Variants in ARHGEF26 observed in about 807,000 individuals in gnomAD.
ARHGEF26 encodes Rho guanine nucleotide exchange factor (GEF) 26.
In ARHGEF26, 59 loss-of-function variants were observed where a neutral mutation model predicts 89.4. That is an observed-to-expected ratio of 0.66 (90% confidence interval 0.54 to 0.82). The LOEUF (loss-of-function observed/expected upper bound fraction) is 0.82. Among genes scored for constraint, ARHGEF26 ranks in the 40% least tolerant of loss-of-function variants. The pLI is 0.00. For missense variants in ARHGEF26, 1,234 were observed against 1,085.6 expected (o/e 1.14, Z -1.92); for synonymous variants, 500 against 428.4 (o/e 1.17, Z -2.06).
intron 10 of ARHGEF26, among the ~76,000 whole-genome samples, chr3:154,222,097 C>A (rs374943652): frequency 2.0e-5 from 3 of 152,086 alleles, no homozygotes; most frequent in African/African-American, 7.2e-5. Flanking sequence ...AGATTAAATT[C>A]TTTGCTCAAG....
At chr3:154,220,263 C>CT (rs1716044373) in intron 10 of ARHGEF26, among the ~76,000 whole-genome samples, 2 of 152,098 alleles carry the variant, frequency 1.3e-5, no homozygotes, top group Admixed American at 1.3e-4. Flanking sequence ...ATGTGGAAGG[C>CT]AGTAGATAAA....
At chr3:154,145,279 G>A (rs1302062002) in intron 4 of ARHGEF26, among the ~76,000 whole-genome samples, 3 of 152,208 alleles carry the variant, frequency 2.0e-5, no homozygotes, top group African/African-American at 7.2e-5. Context: ...ATTCAGGGAT[G>A]ACTCAGGTTA....
At chr3:154,124,371 C>CCTTTTTTTTTTTTTTTTT (rs1553781192) in intron 2 of ARHGEF26, 39 bp from the exon 3 acceptor site, 2 of 977,570 alleles carry the variant, frequency 2.0e-6, no homozygotes, top group Non-Finnish European at 2.8e-6. Context: ...GTTTGCTTTT[C>CCTTTTTTTTTTTTTTTTT]CTTTTTTTTT....
chr3:154,203,468 G>A (rs1014102399), intron 9 of ARHGEF26, among the ~76,000 whole-genome samples: 1 of 152,098 alleles, frequency 6.6e-6, no homozygotes, highest in Non-Finnish European at 1.5e-5. Flanking sequence ...AATTTGGATG[G>A]TGTTTATATC....
At chr3:154,187,614 A>G (rs1713661765) in intron 6 of ARHGEF26, 71 bp from the exon 7 acceptor site, 3 of 1,333,468 alleles carry the variant, frequency 2.2e-6, no homozygotes, top group South Asian at 1.6e-5. Context: ...ATAACATTAC[A>G]TGAGGCTAAT....
rs1177231945 is a variant in ARHGEF26 at position 154,143,921 on chromosome 3, G to A, written c.1270-5468G>A. Among the ~76,000 whole-genome samples the A allele has an allele frequency of 3.9e-5, 6 of 152,280 alleles. No homozygotes were observed. In the East Asian group the frequency reaches 5.8e-4, roughly 15 times the overall value. On this transcript the variant is annotated intron_variant, in intron 4 of 14. Coordinates refer to ENST00000465093, the MANE Select transcript of ARHGEF26 (RefSeq NM_015595.4). ...AACTGCATCTCTTGCTCATTTGGGG[G>A]ATAGAGAATACATAAATTTTAGTCC...
chr3:154,166,296 C>T (rs1277139041), intron 6 of ARHGEF26, among the ~76,000 whole-genome samples: 2 of 152,132 alleles, frequency 1.3e-5, no homozygotes, highest in Non-Finnish European at 2.9e-5. Flanking sequence ...ATGATCCGCC[C>T]GCCTTGGCCT....
chr3:154,173,374 A>G (rs1576735030), intron 6 of ARHGEF26, among the ~76,000 whole-genome samples: 1 of 152,236 alleles, frequency 6.6e-6, no homozygotes, highest in Admixed American at 6.5e-5. Flanking sequence ...CCAAGATTGC[A>G]TTAAAATTAT....
intron 6 of ARHGEF26, among the ~76,000 whole-genome samples, chr3:154,153,776 C>T (rs1727952): frequency 0.91 from 138,008 of 151,952 alleles, 62,887 homozygotes; most frequent in East Asian, 1. Flanking sequence ...TAAGAAAATA[C>T]ATGTATATAT....
chr3:154,219,453 G>A (rs1390055347), intron 10 of ARHGEF26, among the ~76,000 whole-genome samples: 1 of 151,886 alleles, frequency 6.6e-6, no homozygotes, highest in African/African-American at 2.4e-5. Flanking sequence ...AAATTAGCCG[G>A]GTGTAGTGGC....
intron 12 of ARHGEF26, among the ~76,000 whole-genome samples, chr3:154,243,107 CCTTT>C (rs1204845238): frequency 6.6e-6 from 1 of 152,114 alleles, no homozygotes; most frequent in Non-Finnish European, 1.5e-5. Flanking sequence ...AACTAGACTT[CCTTT>C]GTGTGGGGAA....
chr3:154,189,699 G>A (rs1713830346), intron 7 of ARHGEF26, among the ~76,000 whole-genome samples: 1 of 152,168 alleles, frequency 6.6e-6, no homozygotes, highest in Non-Finnish European at 1.5e-5. Flanking sequence ...TGTTAGAAAT[G>A]CCTTGGGGCC....
At position 154,186,165 on chromosome 3, in the gene ARHGEF26, A is replaced by ACACC. The variant is rs766757043; in HGVS notation, c.1488-1519_1488-1518insACCC. Among the ~76,000 whole-genome samples the ACACC allele has an allele frequency of 3.3e-4, 50 of 150,256 alleles. 1 individual carries two copies. Among genetic ancestry groups the ACACC allele is most frequent in the African/African-American group, 1.1e-3 (45 of 40,726 alleles). On this transcript the variant is annotated intron_variant, in intron 6 of 14. Coordinates refer to ENST00000465093, the MANE Select transcript of ARHGEF26 (RefSeq NM_015595.4). The stretch of plus-strand genomic sequence containing the variant: ...CACACACACACACACACACACACAC[A>ACACC]CCCCTATACACATACTATTGTACAG...
Position 154,256,690 on chromosome 3 carries a change from G to C in ARHGEF26, c.*1217G>C. ...TAGAAATTAGCTGGAACACACTACA[G>C]TAATCTCAAGGAAGGGAAAATTAGG... On this transcript the variant is annotated 3_prime_UTR_variant, in exon 15 of 15. Transcript: ENST00000465093. 1 of 1,291,356 alleles carries C rather than the reference G, an allele frequency of 7.7e-7. No homozygotes were observed. Among genetic ancestry groups the C allele is most frequent in the Non-Finnish European group, 9.8e-7 (1 of 1,022,790 alleles). The allele number at this position is 1,291,356 out of a possible 1,614,324, so 80.0% of individuals were successfully genotyped here. A position where few individuals can be genotyped will look rare whatever the true frequency, so the allele number is the denominator to read the frequency against.
At position 154,256,711 on chromosome 3, in the gene ARHGEF26, T is replaced by G. The variant is rs1176926290; in HGVS notation, c.*1238T>G. The G allele has an allele frequency of 3.7e-6, 5 of 1,333,970 alleles. No homozygotes were observed. Among genetic ancestry groups the G allele is most frequent in the Non-Finnish European group, 4.8e-6 (5 of 1,047,750 alleles). 82.6% of individuals were successfully genotyped at this position (1,333,970 alleles called of 1,614,324 possible). On this transcript the variant is annotated 3_prime_UTR_variant, in exon 15 of 15. Coordinates refer to ENST00000465093, the MANE Select transcript of ARHGEF26 (RefSeq NM_015595.4). ...TACAGTAATCTCAAGGAAGGGAAAA[T>G]TAGGCCTTAAAAGATACCAAGAAGT...
chr3:154,254,548 A>G (rs1718360780), intron 13 of ARHGEF26, among the ~76,000 whole-genome samples, 172 bp from the exon 14 acceptor site: 1 of 152,228 alleles, frequency 6.6e-6, no homozygotes, highest in South Asian at 2.1e-4. Context: ...TAAAGCTTAT[A>G]GCCAAGCAAG....
intron 11 of ARHGEF26, among the ~76,000 whole-genome samples, chr3:154,237,126 A>C (rs1220853462): frequency 6.6e-6 from 1 of 152,234 alleles, no homozygotes; most frequent in African/African-American, 2.4e-5. Flanking sequence ...CCCAGCAGCC[A>C]TCCTGGGTCT....
intron 1 of ARHGEF26, 126 bp from the exon 2 acceptor site, chr3:154,121,816 G>T (rs1029980261): frequency 1.2e-6 from 1 of 824,034 alleles, no homozygotes; most frequent in Non-Finnish European, 1.8e-6. Flanking sequence ...CCGAGAAAGG[G>T]CGGGTAAGTG....
At chr3:154,152,145 T>C (rs1177473664) in intron 5 of ARHGEF26, among the ~76,000 whole-genome samples, 2 of 152,188 alleles carry the variant, frequency 1.3e-5, no homozygotes, top group African/African-American at 4.8e-5. Context: ...GAATGTGACT[T>C]GTTGAATAGA....
Sources: gnomAD v4.1 joint callset for allele counts (sites outside exome capture counted in the v4.1 genomes callset) on GRCh38, gnomAD v4.1.1 for gene constraint, MANE v1.5 for transcripts, NCBI Gene and HGNC (gene_info 2026-07-23, HGNC 2026-07-21) for gene names.